Variants in TAF12 observed in about 807,000 individuals in gnomAD.
The protein encoded by TAF12 is TATA-box binding protein associated factor 12, also known as transcription initiation factor TFIID subunit 12.
In TAF12, 3 loss-of-function variants were observed where a neutral mutation model predicts 20.8. The observed-to-expected ratio is 0.14, with a 90% CI of 0.07 to 0.37. TAF12 has a LOEUF of 0.37. Among genes scored for constraint, TAF12 ranks in the 10% least tolerant of loss-of-function variants. TAF12 has a pLI of 1.00. For missense variants in TAF12, 131 were observed against 197.9 expected (o/e 0.66, Z 2.03); for synonymous variants, 69 against 70.2 (o/e 0.98, Z 0.09).
chr1:28,622,619 T>TCTGTAATCCC (rs1169638496), intron 1 of TAF12, among the ~76,000 whole-genome samples: 11 of 152,112 alleles, frequency 7.2e-5, no homozygotes, highest in African/African-American at 2.7e-4. Flanking sequence ...CCGCGTGCAG[T>TCTGTAATCCC]AGCTCATGTC....
At position 28,643,001 on chromosome 1, in the gene TAF12, C is replaced by G. The variant is rs975144877; in HGVS notation, c.-94G>C. 1.0e-6 allele frequency: 1 copy of G among 986,006 alleles called. No individual in the cohort carries two copies. Among genetic ancestry groups the G allele is most frequent in the Non-Finnish European group, 1.2e-6 (1 of 830,038 alleles). The allele number at this position is 986,006 out of a possible 1,614,324, so 61.1% of individuals were successfully genotyped here. A position where few individuals can be genotyped will look rare whatever the true frequency, so the allele number is the denominator to read the frequency against. ...AGGGCCCAAGACTCACAGGCAGCAG[C>G]GTCTATCTCCCCATGATATGCAGAG... On this transcript the variant is annotated 5_prime_UTR_variant, in exon 1 of 6. Coordinates refer to ENST00000373824, the MANE Select transcript of TAF12 (RefSeq NM_005644.4).
chr1:28,615,771 T>C (rs1667020789), intron 3 of TAF12, among the ~76,000 whole-genome samples: 1 of 146,870 alleles, frequency 6.8e-6, no homozygotes, highest in African/African-American at 2.6e-5. Context: ...AGATATTGAA[T>C]GATTCCAGAG....
intron 1 of TAF12, among the ~76,000 whole-genome samples, chr1:28,641,209 C>A (rs1446081254): frequency 2.6e-5 from 4 of 152,046 alleles, no homozygotes; most frequent in Non-Finnish European, 4.4e-5. Flanking sequence ...GGGCCGGGCG[C>A]AGTGGCTCAT....
At chr1:28,610,459 T>C (rs371837986) in intron 4 of TAF12, among the ~76,000 whole-genome samples, 1 of 152,124 alleles carries the variant, frequency 6.6e-6, no homozygotes. Context: ...GCCTGGCTAA[T>C]TTTTTAAATC....
intron 1 of TAF12, among the ~76,000 whole-genome samples, chr1:28,639,163 C>G (rs532031656): frequency 6.7e-6 from 1 of 150,310 alleles, no homozygotes; most frequent in Non-Finnish European, 1.5e-5. Flanking sequence ...CAACTTCCAC[C>G]TCCCACCTTC....
At chr1:28,614,864 G>A (rs1040492174) in intron 3 of TAF12, among the ~76,000 whole-genome samples, 5 of 152,140 alleles carry the variant, frequency 3.3e-5, no homozygotes, top group African/African-American at 1.2e-4. Flanking sequence ...CACCACTTCG[G>A]GAGGCCGAGG....
At chr1:28,631,247 C>T (rs759720497) in intron 1 of TAF12, among the ~76,000 whole-genome samples, 38 of 151,844 alleles carry the variant, frequency 2.5e-4, no homozygotes, top group Admixed American at 5.3e-4. Context: ...CTCGGCCAGG[C>T]ATGGTGGCTC....
intron 3 of TAF12, among the ~76,000 whole-genome samples, chr1:28,615,654 G>C (rs1159317541): frequency 8.6e-6 from 1 of 115,946 alleles, no homozygotes; most frequent in Non-Finnish European, 1.6e-5. Flanking sequence ...ACTCCAGCCT[G>C]GTCAACAGAG....
At chr1:28,642,820 G>C in intron 1 of TAF12, 172 bp downstream of exon 1, 1 of 985,482 alleles carries the variant, frequency 1.0e-6, no homozygotes, top group Non-Finnish European at 1.2e-6. Flanking sequence ...GGTCCCCACA[G>C]CCGCGTCTTC....
At chr1:28,626,001 G>A (rs1183741315) in intron 1 of TAF12, among the ~76,000 whole-genome samples, 1 of 150,088 alleles carries the variant, frequency 6.7e-6, no homozygotes, top group Non-Finnish European at 1.5e-5. Flanking sequence ...TTTTTTTTGA[G>A]ACGGAGTCTC....
intron 1 of TAF12, among the ~76,000 whole-genome samples, chr1:28,633,395 C>T (rs1161659188): frequency 4.5e-5 from 6 of 134,370 alleles, no homozygotes; most frequent in African/African-American, 1.4e-4. Flanking sequence ...CTTGAATTCC[C>T]GACCTCAGGT....
At chr1:28,604,150 C>T (rs1666590706) in intron 5 of TAF12, among the ~76,000 whole-genome samples, 1 of 152,144 alleles carries the variant, frequency 6.6e-6, no homozygotes, top group Non-Finnish European at 1.5e-5. Context: ...AGTGATCCAC[C>T]AGGCTCGGCC....
chr1:28,631,732 T>C (rs1251494568), intron 1 of TAF12, among the ~76,000 whole-genome samples: 1 of 151,926 alleles, frequency 6.6e-6, no homozygotes. Context: ...AAATGGCAAA[T>C]AGGCACATGA....
At chr1:28,632,429 T>C (rs953213690) in intron 1 of TAF12, among the ~76,000 whole-genome samples, 4 of 152,010 alleles carry the variant, frequency 2.6e-5, no homozygotes, top group Admixed American at 2.0e-4. Flanking sequence ...GGTAAGAGAA[T>C]TGCTTCAACC....
intron 1 of TAF12, among the ~76,000 whole-genome samples, chr1:28,639,428 A>C (rs1049082869): frequency 1.6e-4 from 24 of 147,228 alleles, no homozygotes; most frequent in East Asian, 1.4e-3. Context: ...CCGTCTCACA[A>C]AAAAAAAAAA....
chr1:28,622,069 C>T lies in TAF12; in HGVS notation c.13G>A (p.Gly5Ser), dbSNP rs2124338745. Residue 5 changes from glycine to serine, a missense_variant, in exon 2 of 6, where the codon GGC (glycine) becomes AGC (serine). Gly to Ser is a moderately conservative substitution (Grantham distance 56). Around this residue, in one of 3 missense-constraint regions of TAF12, gnomAD observed 63 missense variants for 72.1 expected, o/e 0.87. Coordinates refer to ENST00000373824, the MANE Select transcript of TAF12 (RefSeq NM_005644.4). ...GAGAGGTTGATTAGGGCTGAGGGGC[C>T]AAACTGGTTCATAATCTGCCGAGCT... MNQF[G>S]PSALINLSNF... is the part of the protein sequence containing the mutation. 6.2e-7 allele frequency: 1 copy of T among 1,612,046 alleles called. No individual in the cohort carries two copies. The highest frequency in any genetic ancestry group is 1.3e-5 in the African/African-American group (1 of 74,870).
intron 2 of TAF12, among the ~76,000 whole-genome samples, chr1:28,621,569 G>A (rs543955352): frequency 3.9e-4 from 60 of 152,248 alleles, no homozygotes; most frequent in Admixed American, 6.5e-4. Flanking sequence ...GTGTTAGTGT[G>A]TACAGATGGA....
upstream of TAF12, among the ~76,000 whole-genome samples, chr1:28,646,935 T>C (rs1472309968): frequency 2.6e-5 from 4 of 152,068 alleles, no homozygotes; most frequent in African/African-American, 9.7e-5. Context: ...TCTGACCTAG[T>C]GATCTGCCCA....
chr1:28,645,988 T>A (rs1186090648), upstream of TAF12: 1 of 146,048 alleles, frequency 6.8e-6, no homozygotes, highest in African/African-American at 2.5e-5. Context: ...AAAAGAGAGA[T>A]AAGGTCAGAT....
Sources: gnomAD v4.1 joint callset for allele counts (sites outside exome capture counted in the v4.1 genomes callset) on GRCh38, gnomAD v4.1.1 for gene constraint, gnomAD v4.1.1 regional missense constraint, MANE v1.5 for transcripts, NCBI Gene and HGNC (gene_info 2026-07-23, HGNC 2026-07-21) for gene names.